Variants in PTPRD observed in about 807,000 individuals in gnomAD.
PTPRD encodes the protein receptor-type tyrosine-protein phosphatase delta.
A neutral mutation model predicts 214.5 loss-of-function variants in PTPRD; 34 were observed. The observed-to-expected ratio is 0.16, with a 90% CI of 0.12 to 0.21. The LOEUF (loss-of-function observed/expected upper bound fraction) is 0.21, where lower values mean the gene tolerates loss of function less well. Among genes scored for constraint, PTPRD ranks in the 10% least tolerant of loss-of-function variants. PTPRD has a pLI of 1.00. For missense variants in PTPRD, 2,545 were observed against 2,398.7 expected (o/e 1.06, Z -1.27); for synonymous variants, 1,128 against 845.7 (o/e 1.33, Z -5.79).
At chr9:10,061,911 C>G (rs915147663) in intron 3 of PTPRD, among the ~76,000 whole-genome samples, 1 of 151,954 alleles carries the variant, frequency 6.6e-6, no homozygotes, top group African/African-American at 2.4e-5. Flanking sequence ...AGAAATGCAG[C>G]AAATTATTAG....
chr9:8,600,913 A>C (rs1297765969), intron 14 of PTPRD, among the ~76,000 whole-genome samples: 2 of 152,016 alleles, frequency 1.3e-5, no homozygotes, highest in Non-Finnish European at 2.9e-5. Context: ...TTTGTCTTGC[A>C]CCTGAGGTAC....
intron 3 of PTPRD, among the ~76,000 whole-genome samples, chr9:10,305,780 C>T (rs613283): frequency 0.31 from 46,533 of 151,810 alleles, 8,437 homozygotes; most frequent in African/African-American, 0.5. Flanking sequence ...CAACAGATGC[C>T]GGAGAGGATG....
At chr9:8,321,461 T>TTGTGTG (rs4008233) in intron 44 of PTPRD, among the ~76,000 whole-genome samples, 59 of 86,574 alleles carry the variant, frequency 6.8e-4, no homozygotes, top group Non-Finnish European at 1.0e-3. Context: ...GAAGTCTTCT[T>TTGTGTG]TGTGTGTGTG....
At chr9:9,958,374 A>C (rs2094113984) in intron 4 of PTPRD, among the ~76,000 whole-genome samples, 1 of 152,136 alleles carries the variant, frequency 6.6e-6, no homozygotes, top group African/African-American at 2.4e-5. Context: ...TACTAAACAT[A>C]CAAAAAATTA....
chr9:8,338,112 G>GA (rs370318194), intron 43 of PTPRD, among the ~76,000 whole-genome samples: 4 of 152,018 alleles, frequency 2.6e-5, no homozygotes, highest in Non-Finnish European at 4.4e-5. Flanking sequence ...CTGCTTTCCA[G>GA]AAAAAACAAT....
At chr9:8,793,987 G>C (rs908935307) in intron 11 of PTPRD, among the ~76,000 whole-genome samples, 1 of 152,208 alleles carries the variant, frequency 6.6e-6, no homozygotes, top group African/African-American at 2.4e-5. Flanking sequence ...CTGCAGCACA[G>C]CTGTGATATT....
chr9:9,252,671 T>C (rs891573940), intron 9 of PTPRD, among the ~76,000 whole-genome samples: 2 of 152,010 alleles, frequency 1.3e-5, no homozygotes, highest in Non-Finnish European at 2.9e-5. Flanking sequence ...TGTAGAGTTG[T>C]GGTCTTTCTA....
intron 11 of PTPRD, among the ~76,000 whole-genome samples, chr9:8,816,242 C>T (rs545519188): frequency 1.4e-4 from 22 of 152,280 alleles, no homozygotes; most frequent in South Asian, 1.2e-3. Context: ...ATGCACTTAA[C>T]AGAATATGAT....
chr9:9,224,524 G>A (rs1245653884), intron 9 of PTPRD, among the ~76,000 whole-genome samples: 2 of 151,846 alleles, frequency 1.3e-5, no homozygotes, highest in East Asian at 1.9e-4. Flanking sequence ...AAATATCTCT[G>A]CTCTAGTTTA....
intron 2 of PTPRD, among the ~76,000 whole-genome samples, chr9:10,480,519 C>A (rs776152771): frequency 1.3e-5 from 2 of 151,602 alleles, no homozygotes; most frequent in South Asian, 2.1e-4. Context: ...AGAAAAAAAG[C>A]AAGACATTTT....
chr9:10,265,550 T>G (rs1465911810), intron 3 of PTPRD, among the ~76,000 whole-genome samples: 1 of 152,208 alleles, frequency 6.6e-6, no homozygotes, highest in Non-Finnish European at 1.5e-5. Context: ...AAGGGCCAGA[T>G]AGTAAACATT....
intron 9 of PTPRD, among the ~76,000 whole-genome samples, chr9:9,201,275 A>G (rs2099941696): frequency 1.3e-5 from 2 of 152,178 alleles, no homozygotes; most frequent in South Asian, 4.1e-4. Context: ...AGAAGGAAAC[A>G]GGAAGTTAAG....
intron 7 of PTPRD, among the ~76,000 whole-genome samples, chr9:9,659,807 G>C (rs2154379066): frequency 6.6e-6 from 1 of 152,034 alleles, no homozygotes; most frequent in Non-Finnish European, 1.5e-5. Flanking sequence ...TTGAAAATTG[G>C]GACGTTCCCA....
chr9:8,453,809 A>G (rs2096065184), intron 33 of PTPRD, among the ~76,000 whole-genome samples: 1 of 152,182 alleles, frequency 6.6e-6, no homozygotes. Context: ...ATTTCCGTCA[A>G]GTTCCCTGGT....
intron 2 of PTPRD, among the ~76,000 whole-genome samples, chr9:10,409,296 C>T (rs899968256): frequency 1.6e-4 from 24 of 151,576 alleles, no homozygotes; most frequent in African/African-American, 5.3e-4. Flanking sequence ...GATTGGGCAC[C>T]TTTCTAAAAT....
At chr9:8,709,397 C>A (rs533630192) in intron 12 of PTPRD, among the ~76,000 whole-genome samples, 2 of 151,636 alleles carry the variant, frequency 1.3e-5, no homozygotes, top group Admixed American at 6.6e-5. Flanking sequence ...CACCTGTAGT[C>A]CCAGCTACTC....
intron 2 of PTPRD, among the ~76,000 whole-genome samples, chr9:10,549,692 A>G (rs1185322446): frequency 6.6e-6 from 1 of 152,194 alleles, no homozygotes; most frequent in East Asian, 1.9e-4. Flanking sequence ...CTGAGAGTAT[A>G]AATCCTTAGC....
At chr9:9,393,583 G>A (rs1461201085) in intron 9 of PTPRD, among the ~76,000 whole-genome samples, 1 of 152,026 alleles carries the variant, frequency 6.6e-6, no homozygotes, top group Non-Finnish European at 1.5e-5. Flanking sequence ...AGCATCATGA[G>A]GAATAACAAA....
intron 2 of PTPRD, among the ~76,000 whole-genome samples, chr9:10,572,014 T>C (rs1591214942): frequency 6.6e-6 from 1 of 152,124 alleles, no homozygotes. Flanking sequence ...GGCTTTGAAA[T>C]ACTGTGCATG....
Sources: allele counts gnomAD v4.1 joint callset (sites outside exome capture counted in the v4.1 genomes callset), GRCh38; gene constraint gnomAD v4.1.1; transcripts MANE v1.5; gene names NCBI Gene and HGNC (gene_info 2026-07-23, HGNC 2026-07-21).